The following ADH1B variants were observed in gnomAD, a reference collection of about 807,000 sequenced individuals.
ADH1B encodes alcohol dehydrogenase 1B (class I), beta polypeptide, also known as all-trans-retinol dehydrogenase [NAD(+)] ADH1B.
Under a neutral mutation model 34.6 loss-of-function variants are expected in ADH1B, and 29 were observed. The ratio of observed to expected loss-of-function variants is 0.84; its 90% CI spans 0.62 to 1.14. The LOEUF (loss-of-function observed/expected upper bound fraction) is 1.14, where lower values mean the gene tolerates loss of function less well. Ranked by LOEUF, ADH1B falls within the 50% of genes most tolerant of loss-of-function variation. ADH1B has a pLI of 0.00. For synonymous variants in ADH1B, 170 were observed against 175.5 expected, an observed-to-expected ratio of 0.97 and a Z score of 0.25; for missense variants, 424 against 468.4, an observed-to-expected ratio of 0.91 and a Z score of 0.87.
At chr4:99,318,219 A>G (rs1370440978) in intron 2 of ADH1B, 35 bp from the exon 3 acceptor site, 1 of 1,612,316 alleles carries the variant, frequency 6.2e-7, no homozygotes, top group Admixed American at 1.7e-5. Flanking sequence ...AGATTCAGAA[A>G]AGATTGTAAC....
intron 1 of ADH1B, 52 bp from the exon 2 acceptor site, chr4:99,318,938 A>G (rs1347086815): frequency 1.3e-6 from 2 of 1,567,554 alleles, no homozygotes; most frequent in African/African-American, 1.4e-5. Flanking sequence ...TCTTGAAGTC[A>G]TAAGTTGTGT....
chr4:99,316,040 AG>A lies in ADH1B; in HGVS notation c.424del (p.Gly143AlafsTer113). 5.6e-6 allele frequency: 9 copies of A among 1,614,198 alleles called. No homozygotes were observed. Among genetic ancestry groups the A allele is most frequent in the Non-Finnish European group, 7.6e-6 (9 of 1,180,012 alleles). On this transcript the variant is annotated frameshift_variant, in exon 5 of 9. Coordinates refer to ENST00000305046, the MANE Select transcript of ADH1B (RefSeq NM_000668.6). LOFTEE classifies it high-confidence loss of function. ...TCRGKPIHHF[L>X]GTSTFSQYTV... The stretch of plus-strand genomic sequence containing the variant: ...GTACTGGGAGAAGGTGCTGGTGCCA[AG>A]GAAGTGGTGAATGGGCTTCCCCCTG...
chr4:99,311,427 C>T, intron 7 of ADH1B, 94 bp downstream of exon 7: 1 of 1,391,964 alleles, frequency 7.2e-7, no homozygotes, highest in Non-Finnish European at 9.7e-7. Flanking sequence ...CTTGCCTTGT[C>T]AATTGTAAAA....
At chr4:99,316,557 G>C (rs1733891084) in intron 3 of ADH1B, 2 of 454,954 alleles carry the variant, frequency 4.4e-6, no homozygotes, top group Non-Finnish European at 7.9e-6. Flanking sequence ...TACTTCCACT[G>C]TACTAATAGT....
Position 99,311,526 on chromosome 4 carries a change from T to C in ADH1B, c.959A>G (p.Tyr320Cys). ...ACTTGAGCCCAACTACATACCACCA[T>C]AAACAGCCCCCTTCCAGGTGCGTCC... ...LTGRTWKGAV[Y>C]GGFKSKEGIP... Residue 320 changes from tyrosine to cysteine, a missense_variant, in exon 7 of 9, where the codon TAT becomes TGT. This residue lies in a region of ADH1B where 130 missense variants were observed against 151.8 expected (regional missense o/e 0.86). Coordinates refer to ENST00000305046, the MANE Select transcript of ADH1B (RefSeq NM_000668.6). 32 of 1,613,710 alleles carry C rather than the reference T, an allele frequency of 2.0e-5. No individual in the cohort carries two copies. Among genetic ancestry groups the C allele is most frequent in the Non-Finnish European group, 2.7e-5 (32 of 1,179,720 alleles).
chr4:99,311,576 T>G lies in ADH1B; in HGVS notation c.909A>C (p.Ser303=). Residue 303 remains serine, a synonymous_variant, in exon 7 of 9, where the codon TCA becomes TCC. Coordinates refer to ENST00000305046, the MANE Select transcript of ADH1B (RefSeq NM_000668.6). ...VGVPPASQNL[S]INPMLLLTGR... ...CAGTCAGTAGCAGCATAGGGTTTAT[T>G]GAGAGGTTCTGGGAAGCAGGAGGTA... 3 of 1,614,010 alleles carry G rather than the reference T, an allele frequency of 1.9e-6. No homozygotes were observed. The highest frequency in any genetic ancestry group is 2.5e-6 in the Non-Finnish European group (3 of 1,179,968).
intron 7 of ADH1B, 31 bp downstream of exon 7, chr4:99,311,490 G>A (rs1171841288): frequency 6.2e-7 from 1 of 1,608,072 alleles, no homozygotes; most frequent in Non-Finnish European, 8.5e-7. Flanking sequence ...TGAGATTAAT[G>A]AGAATTTGGC....
intron 1 of ADH1B, 145 bp downstream of exon 1, chr4:99,321,169 A>T (rs776455931): frequency 1.2e-5 from 8 of 692,740 alleles, no homozygotes; most frequent in Non-Finnish European, 1.7e-5. Context: ...TATACATTAC[A>T]TATTGAGGTG....
chr4:99,307,714 C>T lies in ADH1B; in HGVS notation c.*126G>A, dbSNP rs1262091067. 8.9e-6 allele frequency: 10 copies of T among 1,118,188 alleles called. No individual in the cohort carries two copies. The highest frequency in any genetic ancestry group is 1.3e-5 in the Non-Finnish European group (10 of 765,494). The allele number at this position is 1,118,188 out of a possible 1,614,324, so 69.3% of individuals were successfully genotyped here. ...ATCAATTTCCATTTCTTTGGAAAGCCCCCATGTGTAATTTATTGATAACAT... is the reference window on the plus strand; with the variant it reads ...ATCAATTTCCATTTCTTTGGAAAGCTCCCATGTGTAATTTATTGATAACAT... On this transcript the variant is annotated 3_prime_UTR_variant, in exon 9 of 9. Coordinates refer to ENST00000305046, the MANE Select transcript of ADH1B (RefSeq NM_000668.6).
In ADH1B at chr4:99,316,214, C is replaced by T; in HGVS notation, c.347+1G>A. 1 of 1,614,190 alleles carries T rather than the reference C, an allele frequency of 6.2e-7. No homozygotes were observed. Among genetic ancestry groups the T allele is most frequent in the Non-Finnish European group, 8.5e-7 (1 of 1,180,016 alleles). On this transcript the variant is annotated splice_donor_variant, in intron 4 of 8. Coordinates refer to ENST00000305046, the MANE Select transcript of ADH1B (RefSeq NM_000668.6). LOFTEE classifies it high-confidence loss of function. ...GTGCAAAGAGAGCATCAGAAACCTA[C>T]TCATTTTTCAAGCAGTAGTTGCTCT...
chr4:99,318,955 A>G (rs761983697), intron 1 of ADH1B, 69 bp from the exon 2 acceptor site: 2 of 1,502,408 alleles, frequency 1.3e-6, no homozygotes, highest in South Asian at 1.1e-5. Context: ...GTGTCTTTTC[A>G]TCTTTGTACA....
chr4:99,308,831 C>A (rs1733679422), intron 8 of ADH1B, among the ~76,000 whole-genome samples: 1 of 151,946 alleles, frequency 6.6e-6, no homozygotes, highest in Admixed American at 6.6e-5. Flanking sequence ...TTTCTATGAA[C>A]TTTTTTCTAG....
Position 99,316,213 on chromosome 4 carries a change from A to C in ADH1B, c.347+2T>G. 6.2e-7 allele frequency: 1 copy of C among 1,614,036 alleles called. No homozygotes were observed. The highest frequency in any genetic ancestry group is 8.5e-7 in the Non-Finnish European group (1 of 1,179,976). On this transcript the variant is annotated splice_donor_variant, in intron 4 of 8. Coordinates refer to ENST00000305046, the MANE Select transcript of ADH1B (RefSeq NM_000668.6). LOFTEE classifies it high-confidence loss of function. ...TGTGCAAAGAGAGCATCAGAAACCT[A>C]CTCATTTTTCAAGCAGTAGTTGCTC...
At chr4:99,309,791 A>G (rs1733703891) in intron 8 of ADH1B, among the ~76,000 whole-genome samples, 1 of 152,108 alleles carries the variant, frequency 6.6e-6, no homozygotes. Flanking sequence ...TCTGTTCTCT[A>G]AGATAGTGAG....
rs1206738256 is a variant in ADH1B at position 99,306,750 on chromosome 4, C to T, written c.*1090G>A. On this transcript the variant is annotated 3_prime_UTR_variant, in exon 9 of 9. Coordinates refer to ENST00000305046, the MANE Select transcript of ADH1B (RefSeq NM_000668.6). ...GTCTTTACATATTCAAAATATTAAA[C>T]TAATGCTAGGATTATAGACTTGATT... The T allele has an allele frequency of 6.6e-6, 1 of 152,048 alleles. No individual in the cohort carries two copies. The highest frequency in any genetic ancestry group is 1.9e-4 in the East Asian group (1 of 5,196). 9.4% of individuals were successfully genotyped at this position (152,048 alleles called of 1,614,324 possible).
intron 8 of ADH1B, 138 bp downstream of exon 8, chr4:99,310,627 G>T: frequency 1.7e-6 from 2 of 1,187,912 alleles, no homozygotes; most frequent in Non-Finnish European, 2.3e-6. Flanking sequence ...TCCTACATAC[G>T]CTCCATGCAA....
Position 99,313,841 on chromosome 4 carries a change from T to C in ADH1B, c.808A>G (p.Ile270Val). 1.2e-6 allele frequency: 2 copies of C among 1,614,060 alleles called. No individual in the cohort carries two copies. The highest frequency in any genetic ancestry group is 1.3e-5 in the African/African-American group (1 of 75,058). ...DGGVDFSFEVIGRLDTMMASL... is the reference protein window; with the variant it reads ...DGGVDFSFEVVGRLDTMMASL... ...CATACCATGGTGTCAAGCCGACCGA[T>C]GACTTCAAACGAAAAATCCACACCT... is the stretch of plus-strand genomic sequence containing the variant. The change falls in exon 6 of 9, where the codon ATC becomes GTC. Residue 270 changes from isoleucine (I) to valine (V), a missense_variant. Coordinates refer to ENST00000305046, the MANE Select transcript of ADH1B (RefSeq NM_000668.6).
At chr4:99,317,842 G>A in intron 3 of ADH1B, 2 of 748,220 alleles carry the variant, frequency 2.7e-6, no homozygotes, top group Admixed American at 3.2e-5. Flanking sequence ...GGTACATAAT[G>A]GTTGAAGGGT....
rs1733628736 is a variant in ADH1B at position 99,307,133 on chromosome 4, A to G, written c.*707T>C. On this transcript the variant is annotated 3_prime_UTR_variant, in exon 9 of 9. Transcript: ENST00000305046. ...TTCTGGGAATAGTTCAGTTTTTACA[A>G]TTAGTAATTGAGGCTTTGTCATATG... is the stretch of plus-strand genomic sequence containing the variant. 6.6e-6 allele frequency: 1 copy of G among 152,242 alleles called. No individual in the cohort carries two copies. The highest frequency in any genetic ancestry group is 1.5e-5 in the Non-Finnish European group (1 of 68,046). The allele number at this position is 152,242 out of a possible 1,614,324, so 9.4% of individuals were successfully genotyped here.
Sources: gnomAD v4.1 joint callset for allele counts (sites outside exome capture counted in the v4.1 genomes callset) on GRCh38, gnomAD v4.1.1 for gene constraint, gnomAD v4.1.1 regional missense constraint, MANE v1.5 for transcripts, NCBI Gene and HGNC (gene_info 2026-07-23, HGNC 2026-07-21) for gene names.